RNF214: variants seen among roughly 807,000 people sequenced by gnomAD.
RNF214 encodes ring finger protein 214.
Under a neutral mutation model 75.9 loss-of-function variants are expected in RNF214, and 25 were observed. That is an observed-to-expected ratio of 0.33 (90% CI 0.24 to 0.46). RNF214 has a LOEUF of 0.46. Ranked by LOEUF, RNF214 falls within the 20% of genes least tolerant of loss-of-function variation. RNF214 has a pLI of 1.00. For missense variants in RNF214, 725 were observed against 857.5 expected (o/e 0.85, Z 1.93); for synonymous variants, 314 against 308.8 (o/e 1.02, Z -0.18).
Position 117,260,881 on chromosome 11 carries a change from C to T in RNF214, c.959+13933C>T, listed in dbSNP as rs150091735. The stretch of plus-strand genomic sequence containing the variant: ...GTTGGTCAAGCTGGTCTCGAACTCC[C>T]GACCTCAGATGATCCGCCCGCCTTG... On this transcript the variant is annotated intron_variant, in intron 6 of 14. Coordinates refer to ENST00000300650, the MANE Select transcript of RNF214 (RefSeq NM_207343.4). Among the ~76,000 whole-genome samples, 1,391 of 148,266 alleles carry T rather than the reference C, an allele frequency of 9.4e-3. 8 individuals carry two copies. The highest frequency in any genetic ancestry group is 0.031 in the African/African-American group (1,241 of 40,092).
chr11:117,233,692 C>A (rs564935592), intron 1 of RNF214, among the ~76,000 whole-genome samples: 2 of 152,332 alleles, frequency 1.3e-5, no homozygotes, highest in South Asian at 4.1e-4. Flanking sequence ...AGAGTCTGTT[C>A]TTTGCTCAGT....
At position 117,281,343 on chromosome 11, in the gene RNF214, G is replaced by A. The variant is rs1265709688; in HGVS notation, c.1175G>A (p.Arg392His). 6.2e-6 allele frequency: 10 copies of A among 1,613,444 alleles called. No individual in the cohort carries two copies. The highest frequency in any genetic ancestry group is 2.2e-5 in the East Asian group (1 of 44,824). ...ACTCCCCCAACACTGGAGACAGTTC[G>A]TTCCAAACAGGAGTGGGAGACGAGA... ...KSTPPTLETV[R>H]SKQEWETRLN... Residue 392 changes from arginine (R) to histidine (H), a missense_variant, in exon 9 of 15, where the codon CGT (arginine) becomes CAT (histidine). Physicochemically the swap from Arg to His is conservative, Grantham distance 29. This residue lies in a region of RNF214 where 363 missense variants were observed against 513.0 expected (regional missense o/e 0.71). Transcript: ENST00000300650.
At chr11:117,277,420 C>A (rs2034035025) in intron 6 of RNF214, among the ~76,000 whole-genome samples, 1 of 152,154 alleles carries the variant, frequency 6.6e-6, no homozygotes, top group African/African-American at 2.4e-5. Flanking sequence ...TGCCCACCTA[C>A]TTCTCATTTC....
At chr11:117,254,411 C>T (rs997798715) in intron 6 of RNF214, among the ~76,000 whole-genome samples, 1 of 152,142 alleles carries the variant, frequency 6.6e-6, no homozygotes, top group Non-Finnish European at 1.5e-5. Context: ...GTATCAAGAT[C>T]TCTTTCTTGT....
intron 4 of RNF214, among the ~76,000 whole-genome samples, 164 bp downstream of exon 4, chr11:117,240,024 C>T (rs650585): frequency 0.54 from 82,182 of 151,312 alleles, 23,690 homozygotes; most frequent in East Asian, 0.8. Context: ...AAGCTTACTA[C>T]CTCACAAAGC....
intron 6 of RNF214, among the ~76,000 whole-genome samples, chr11:117,279,583 C>T (rs2034086166): frequency 6.6e-6 from 1 of 152,132 alleles, no homozygotes; most frequent in East Asian, 1.9e-4. Context: ...GTGATCTGCC[C>T]ATCTTGGACT....
intron 3 of RNF214, 90 bp from the exon 4 acceptor site, chr11:117,239,705 AAGTTAG>A (rs1038129482): frequency 9.6e-6 from 7 of 726,702 alleles, no homozygotes; most frequent in Non-Finnish European, 1.7e-5. Context: ...AAAGAGTAAA[AAGTTAG>A]TTACCTGTGG....
chr11:117,266,709 A>G (rs1435691333), intron 6 of RNF214, among the ~76,000 whole-genome samples: 1 of 151,750 alleles, frequency 6.6e-6, no homozygotes, highest in Non-Finnish European at 1.5e-5. Flanking sequence ...TTTCTGCCCT[A>G]TTCCCCTTTT....
rs1047764592 is a variant in RNF214, at chr11:117,281,353, G to A, written c.1185G>A (p.Gln395=). 6.2e-7 allele frequency: 1 copy of A among 1,613,554 alleles called. No homozygotes were observed. Among genetic ancestry groups the A allele is most frequent in the Admixed American group, 1.7e-5 (1 of 59,950 alleles). Residue 395 remains glutamine (Q), a synonymous_variant, in exon 9 of 15, where the codon CAG becomes CAA. Transcript: ENST00000300650. ...PPTLETVRSK[Q]EWETRLNGVR... is the part of the protein sequence containing the mutation. The stretch of plus-strand genomic sequence containing the variant: ...CACTGGAGACAGTTCGTTCCAAACA[G>A]GAGTGGGAGACGAGACTGAATGGAG...
chr11:117,233,170 C>G (rs888417889), intron 1 of RNF214, among the ~76,000 whole-genome samples: 1 of 152,234 alleles, frequency 6.6e-6, no homozygotes, highest in Admixed American at 6.5e-5. Flanking sequence ...GCCACGGGCT[C>G]TCTAGCCACG....
chr11:117,274,356 CT>C (rs11461326), intron 6 of RNF214, among the ~76,000 whole-genome samples: 13 of 79,482 alleles, frequency 1.6e-4, no homozygotes, highest in South Asian at 5.6e-4. Context: ...CAAATGACTT[CT>C]TTTTTTTTTT....
chr11:117,256,481 C>A (rs546779675), intron 6 of RNF214, among the ~76,000 whole-genome samples: 36 of 152,196 alleles, frequency 2.4e-4, no homozygotes, highest in African/African-American at 7.7e-4. Context: ...TGGCTTCATT[C>A]ATATCCCTGG....
At chr11:117,241,602 A>C (rs967452184) in intron 4 of RNF214, among the ~76,000 whole-genome samples, 3 of 150,170 alleles carry the variant, frequency 2.0e-5, no homozygotes, top group African/African-American at 7.3e-5. Context: ...AAAAGTTCTT[A>C]TTGTAGCTTT....
chr11:117,280,194 A>G lies in RNF214; in HGVS notation c.1080A>G (p.Lys360=). ...KAEILSLESR[K]ELLVLKLEEA... is the part of the protein sequence containing the mutation. Reference sequence around the variant, plus strand: ...AGATCTTATCACTAGAGAGCCGGAAAGAGTTACTGGTACTGAAACTAGAAG... The same window carrying G: ...AGATCTTATCACTAGAGAGCCGGAAGGAGTTACTGGTACTGAAACTAGAAG... The change falls in exon 8 of 15, where the codon AAA becomes AAG. Residue 360 remains lysine (K), a synonymous_variant. Transcript: ENST00000300650. 1.2e-6 allele frequency: 2 copies of G among 1,613,830 alleles called. No homozygotes were observed. The highest frequency in any genetic ancestry group is 2.2e-5 in the South Asian group (2 of 91,066).
intron 9 of RNF214, 72 bp from the exon 10 acceptor site, chr11:117,281,528 A>G (rs1196191771): frequency 7.0e-7 from 1 of 1,423,720 alleles, no homozygotes; most frequent in Non-Finnish European, 9.9e-7. Flanking sequence ...TGTTTTCCTG[A>G]TAATGGATGG....
At chr11:117,265,906 C>T (rs1272587446) in intron 6 of RNF214, among the ~76,000 whole-genome samples, 1 of 152,174 alleles carries the variant, frequency 6.6e-6, no homozygotes, top group African/African-American at 2.4e-5. Flanking sequence ...ACTGCTCTCT[C>T]ATTCTGCCGT....
At chr11:117,281,234 GT>G in intron 8 of RNF214, 79 bp from the exon 9 acceptor site, 2 of 970,518 alleles carry the variant, frequency 2.1e-6, no homozygotes, top group Non-Finnish European at 3.3e-6. Flanking sequence ...TTGGCCTCTT[GT>G]GCTGGGATTA....
At chr11:117,247,035 T>G (rs2033243153) in intron 6 of RNF214, 87 bp downstream of exon 6, 1 of 1,116,428 alleles carries the variant, frequency 9.0e-7, no homozygotes, top group Non-Finnish European at 1.2e-6. Context: ...TTCTTTCCCT[T>G]CGGTTTAATT....
At position 117,244,467 on chromosome 11, in the gene RNF214, C is replaced by A. The variant is rs764924781; in HGVS notation, c.701C>A (p.Thr234Asn). Residue 234 changes from threonine to asparagine, a missense_variant, in exon 5 of 15, where the codon ACC (threonine) becomes AAC (asparagine). This residue lies in a region of RNF214 where 362 missense variants were observed against 344.5 expected (regional missense o/e 1.05). Transcript: ENST00000300650. ...KNLDKMMTER[T>N]LLKERYQEVL... is the part of the protein sequence containing the mutation. The stretch of plus-strand genomic sequence containing the variant: ...TAGGATAAAATGATGACAGAGAGAA[C>A]CCTGTTGAAAGAGCGTTACCAGGAG... 1.9e-6 allele frequency: 3 copies of A among 1,610,870 alleles called. No individual in the cohort carries two copies. The highest frequency in any genetic ancestry group is 2.2e-5 in the South Asian group (2 of 90,412).
Sources: gnomAD v4.1 joint callset for allele counts (sites outside exome capture counted in the v4.1 genomes callset) on GRCh38, gnomAD v4.1.1 for gene constraint, gnomAD v4.1.1 regional missense constraint, MANE v1.5 for transcripts, NCBI Gene and HGNC (gene_info 2026-07-23, HGNC 2026-07-21) for gene names.